Variants in ARSG observed in about 807,000 individuals in gnomAD.
ARSG encodes arylsulfatase G.
A neutral mutation model predicts 50.5 loss-of-function variants in ARSG; 37 were observed. That is an observed-to-expected ratio of 0.73 (90% CI 0.56 to 0.96). ARSG has a LOEUF of 0.96. Among genes scored for constraint, ARSG ranks in the 50% least tolerant of loss-of-function variants. ARSG has a pLI of 0.00. For missense variants in ARSG, 629 were observed against 675.3 expected, an observed-to-expected ratio of 0.93 and a Z score of 0.76; for synonymous variants, 225 against 254.6, an observed-to-expected ratio of 0.88 and a Z score of 1.11.
chr17:68,411,484 A>G (rs2004186174), intron 11 of ARSG, among the ~76,000 whole-genome samples: 2 of 152,116 alleles, frequency 1.3e-5, no homozygotes, highest in Admixed American at 1.3e-4. Flanking sequence ...CTGTGGTCTG[A>G]GAGATAGTTT....
At chr17:68,285,327 G>C (rs1568418474) in intron 1 of ARSG, among the ~76,000 whole-genome samples, 1 of 152,186 alleles carries the variant, frequency 6.6e-6, no homozygotes, top group Admixed American at 6.5e-5. Flanking sequence ...AAAGACCCTA[G>C]AGAGACGTGG....
rs529078618 is a variant in ARSG, at chr17:68,401,159, A to G, written c.1213-201A>G. On this transcript the variant is annotated intron_variant, in intron 10 of 11. Transcript: ENST00000621439. ...TCACCTCAGCTTCCAAGTAGCTAGG[A>G]CCACAGGTGTGCACCACCATGCCTG... is the stretch of plus-strand genomic sequence containing the variant. The G allele has an allele frequency of 3.7e-4, 204 of 551,966 alleles. 2 individuals are homozygous for G. Among genetic ancestry groups the G allele is most frequent in the South Asian group, 1.2e-3 (55 of 47,438 alleles). 34.2% of individuals were successfully genotyped at this position (551,966 alleles called of 1,614,324 possible).
the ARSG span, chr17:68,435,837 C>T: frequency 2.8e-5 from 24 of 849,144 alleles, no homozygotes; most frequent in Admixed American, 5.1e-4. Flanking sequence ...TTCCTCTGTC[C>T]CCCAGGCCAT....
chr17:68,418,897 G>A (rs953277198), intron 11 of ARSG, among the ~76,000 whole-genome samples: 5 of 151,996 alleles, frequency 3.3e-5, no homozygotes, highest in African/African-American at 4.8e-5. Context: ...CAGAAGCAAA[G>A]TCAGTGTTTA....
At chr17:68,303,346 C>T (rs1320409330) in intron 1 of ARSG, among the ~76,000 whole-genome samples, 1 of 152,048 alleles carries the variant, frequency 6.6e-6, no homozygotes, top group Non-Finnish European at 1.5e-5. Flanking sequence ...GGCTGGTCTC[C>T]AACTCTCAGG....
intron 2 of ARSG, among the ~76,000 whole-genome samples, chr17:68,323,178 C>T (rs11657610): frequency 0.51 from 78,067 of 151,734 alleles, 20,605 homozygotes; most frequent in Middle Eastern, 0.55. Flanking sequence ...ATCAGTGTGA[C>T]TTATAAATTC....
At chr17:68,328,465 G>A (rs184288546) in intron 2 of ARSG, among the ~76,000 whole-genome samples, 3 of 152,100 alleles carry the variant, frequency 2.0e-5, no homozygotes, top group Non-Finnish European at 4.4e-5. Flanking sequence ...TTGTCTTTCC[G>A]TGCCTTTAAT....
chr17:68,330,185 G>A (rs2077668566), intron 2 of ARSG, among the ~76,000 whole-genome samples: 1 of 152,036 alleles, frequency 6.6e-6, no homozygotes, highest in African/African-American at 2.4e-5. Flanking sequence ...ACTCCAGCCT[G>A]GGTGGCAGAG....
intron 9 of ARSG, among the ~76,000 whole-genome samples, chr17:68,386,914 G>A (rs944778851): frequency 6.6e-6 from 1 of 152,110 alleles, no homozygotes; most frequent in Non-Finnish European, 1.5e-5. Context: ...ACCCAAGGCA[G>A]TGTCTGCCTG....
intron 2 of ARSG, among the ~76,000 whole-genome samples, chr17:68,315,682 G>C (rs188841445): frequency 1.3e-5 from 2 of 152,212 alleles, no homozygotes; most frequent in Admixed American, 1.3e-4. Flanking sequence ...GCCTAGGCTG[G>C]AGTGCAGTGG....
chr17:68,444,875 CTTCCTT>C, the ARSG span, among the ~76,000 whole-genome samples: 1 of 150,542 alleles, frequency 6.6e-6, no homozygotes, highest in African/African-American at 2.5e-5. Context: ...CCCTCCCTCT[CTTCCTT>C]CTCCTTCTTT....
intron 11 of ARSG, chr17:68,413,883 GC>G (rs2082183999): frequency 1.3e-5 from 2 of 152,480 alleles, no homozygotes; most frequent in Non-Finnish European, 1.5e-5. Context: ...TTTTCCAGGT[GC>G]CGTCTGTCAC....
chr17:68,350,635 A>G (rs927657019), intron 4 of ARSG, among the ~76,000 whole-genome samples: 16 of 152,000 alleles, frequency 1.1e-4, no homozygotes, highest in African/African-American at 3.9e-4. Flanking sequence ...AATACAAAAA[A>G]TTAGCCGGGC....
chr17:68,270,136 C>T lies in ARSG; in HGVS notation c.-552+10710C>T, dbSNP rs1555747990. 1.3e-5 allele frequency among the ~76,000 whole-genome samples: 2 copies of T among 152,140 alleles called. 1 individual carries two copies. Among genetic ancestry groups the T allele is most frequent in the African/African-American group, 4.8e-5 (2 of 41,414 alleles). On this transcript the variant is annotated intron_variant, in intron 1 of 11. Transcript: ENST00000448504. ...GAGTGCTGCTATCCATTCCCAAATACCTTTCCTAAGAAAGGAAGATGACTT... is the reference window on the plus strand; with the variant it reads ...GAGTGCTGCTATCCATTCCCAAATATCTTTCCTAAGAAAGGAAGATGACTT...
chr17:68,279,085 T>C (rs1466701755), intron 1 of ARSG, among the ~76,000 whole-genome samples: 1 of 152,060 alleles, frequency 6.6e-6, no homozygotes, highest in African/African-American at 2.4e-5. Flanking sequence ...TAGAAGCATA[T>C]TGAAGGACAC....
chr17:68,395,368 A>T (rs959416775), intron 10 of ARSG, among the ~76,000 whole-genome samples, 175 bp downstream of exon 10: 1 of 152,266 alleles, frequency 6.6e-6, no homozygotes, highest in African/African-American at 2.4e-5. Flanking sequence ...CGGGCTGATC[A>T]CTTGAGGTCA....
At chr17:68,283,877 T>TAAAAA (rs1555753629) in intron 1 of ARSG, among the ~76,000 whole-genome samples, 1 of 25,682 alleles carries the variant, frequency 3.9e-5, no homozygotes, top group East Asian at 1.1e-3. Flanking sequence ...AAACTCCGTC[T>TAAAAA]CAAAAAAAAA....
In ARSG at chr17:68,375,835, A is replaced by G. The variant is rs2080117467; in HGVS notation, c.982+5311A>G. Among the ~76,000 whole-genome samples, 3 of 152,290 alleles carry G rather than the reference A, an allele frequency of 2.0e-5. No individual in the cohort carries two copies. In the South Asian group the frequency reaches 6.2e-4, roughly 32 times the overall value. ...GTGAGTCTGGAGTTTGTGGCGACCA[A>G]GGAGAATAGCGAGAGATGGGGCCAG... is the stretch of plus-strand genomic sequence containing the variant. On this transcript the variant is annotated intron_variant, in intron 8 of 11. Transcript: ENST00000621439.
At chr17:68,343,035 A>G (rs972572546) in intron 2 of ARSG, among the ~76,000 whole-genome samples, 1 of 152,260 alleles carries the variant, frequency 6.6e-6, no homozygotes, top group Non-Finnish European at 1.5e-5. Flanking sequence ...CTTCGAATAA[A>G]TAAGATTGAA....
Sources: allele counts gnomAD v4.1 joint callset (sites outside exome capture counted in the v4.1 genomes callset), GRCh38; gene constraint gnomAD v4.1.1; transcripts MANE v1.5; gene names NCBI Gene and HGNC (gene_info 2026-07-23, HGNC 2026-07-21).